DSCAML1: variants seen among roughly 807,000 people sequenced by gnomAD.
DSCAML1 encodes the protein cell adhesion molecule DSCAML1.
Under a neutral mutation model 200.5 loss-of-function variants are expected in DSCAML1, and 38 were observed. The observed-to-expected ratio is 0.19, with a 90% CI of 0.15 to 0.25. The LOEUF (loss-of-function observed/expected upper bound fraction) is 0.25, where lower values mean the gene tolerates loss of function less well. Ranked by LOEUF, DSCAML1 falls within the 10% of genes least tolerant of loss-of-function variation. The pLI is 1.00. For synonymous variants in DSCAML1, 1,215 were observed against 1,165.0 expected (o/e 1.04, Z -0.87); for missense variants, 2,223 against 2,858.8 (o/e 0.78, Z 5.07).
At position 117,516,356 on chromosome 11, in the gene DSCAML1, C is replaced by A; in HGVS notation, c.1783+111G>T. ...CCAAGCTGGGGCCTCTCTTGCTCAGCCTTCCGTTCACCCAGGATTGCCTAT... is the reference window on the plus strand; with the variant it reads ...CCAAGCTGGGGCCTCTCTTGCTCAGACTTCCGTTCACCCAGGATTGCCTAT... On this transcript the variant is annotated intron_variant, in intron 8 of 32. Coordinates refer to ENST00000651296, the MANE Select transcript of DSCAML1 (RefSeq NM_020693.4). The surrounding 1 kb of genome is among the most constrained non-coding windows in gnomAD (Gnocchi z 5.7). 1 of 1,385,220 alleles carries A rather than the reference C, an allele frequency of 7.2e-7. No individual in the cohort carries two copies. Among genetic ancestry groups the A allele is most frequent in the South Asian group, 1.4e-5 (1 of 70,816 alleles). 85.8% of individuals were successfully genotyped at this position (1,385,220 alleles called of 1,614,324 possible).
intron 20 of DSCAML1, among the ~76,000 whole-genome samples, chr11:117,449,241 G>A (rs572257347): frequency 1.3e-5 from 2 of 152,256 alleles, no homozygotes; most frequent in Admixed American, 6.5e-5. Flanking sequence ...GGGGATTCAG[G>A]GTGTTGTAAT....
chr11:117,498,679 G>A lies in DSCAML1; in HGVS notation c.2359+5166C>T, dbSNP rs2049339016. On this transcript the variant is annotated intron_variant, in intron 11 of 32. Coordinates refer to ENST00000651296, the MANE Select transcript of DSCAML1 (RefSeq NM_020693.4). The surrounding 1 kb of genome is among the most constrained non-coding windows in gnomAD (Gnocchi z 4.0). ...GTGGCCAATCATGGTGGGTGACCTG[G>A]TCCACGGAGGCCCGAGGGCTTCCTT... Among the ~76,000 whole-genome samples, 1 of 152,124 alleles carries A rather than the reference G, an allele frequency of 6.6e-6. No individual in the cohort carries two copies. Among genetic ancestry groups the A allele is most frequent in the Non-Finnish European group, 1.5e-5 (1 of 68,028 alleles).
chr11:117,760,425 C>A (rs2054778007), intron 3 of DSCAML1, among the ~76,000 whole-genome samples: 1 of 152,212 alleles, frequency 6.6e-6, no homozygotes, highest in African/African-American at 2.4e-5. Flanking sequence ...CATCCAGAAA[C>A]AATACAGAGG....
chr11:117,716,920 C>T (rs2053960982), intron 3 of DSCAML1, among the ~76,000 whole-genome samples: 1 of 152,070 alleles, frequency 6.6e-6, no homozygotes, highest in East Asian at 1.9e-4. Flanking sequence ...GAAATATTTA[C>T]TCTCTGGTCT....
intron 3 of DSCAML1, among the ~76,000 whole-genome samples, chr11:117,665,481 G>A (rs2052957227): frequency 1.3e-5 from 2 of 152,180 alleles, no homozygotes; most frequent in Non-Finnish European, 2.9e-5. Flanking sequence ...GTGGCTCCGG[G>A]TTTTTGGATG....
chr11:117,744,310 T>C (rs890009533), intron 3 of DSCAML1, among the ~76,000 whole-genome samples: 1 of 152,200 alleles, frequency 6.6e-6, no homozygotes, highest in Non-Finnish European at 1.5e-5. Context: ...ACCACCTCAG[T>C]GTACTCCCTA....
intron 1 of DSCAML1, among the ~76,000 whole-genome samples, chr11:117,811,854 G>A (rs912546436): frequency 1.3e-5 from 2 of 152,086 alleles, no homozygotes; most frequent in Admixed American, 6.5e-5. Context: ...TCAATACGGA[G>A]GCTACCCACT....
chr11:117,788,219 T>C (rs73584981), intron 1 of DSCAML1, among the ~76,000 whole-genome samples: 13,165 of 152,266 alleles, frequency 0.086, 629 homozygotes, highest in Middle Eastern at 0.14. Flanking sequence ...CTGCCTGTGA[T>C]GTCCACCCAA....
At position 117,428,512 on chromosome 11, in the gene DSCAML1, G is replaced by GCGGGGGCGGTGGGTGGCT. The variant is rs1565666473; in HGVS notation, c.5977_5978insAGCCACCCACCGCCCCCG (p.Pro1992_Ala1993insGluProProThrAlaPro). 3.3e-6 allele frequency: 5 copies of GCGGGGGCGGTGGGTGGCT among 1,496,670 alleles called. No homozygotes were observed. In the South Asian group the frequency reaches 6.4e-5, roughly 19 times the overall value. The allele number at this position is 1,496,670 out of a possible 1,614,324, so 92.7% of individuals were successfully genotyped here. On this transcript the variant is annotated inframe_insertion, in exon 33 of 33. Coordinates refer to ENST00000651296, the MANE Select transcript of DSCAML1 (RefSeq NM_020693.4). ...AGCGCTGGGGGCGGTGGGTGGCTCAGCAGGGGTGGGGCCGGGGGCTGGGGG... is the reference window on the plus strand; with the variant it reads ...AGCGCTGGGGGCGGTGGGTGGCTCAGCGGGGGCGGTGGGTGGCTCAGGGGTGGGGCCGGGGGCTGGGGG...
intron 3 of DSCAML1, among the ~76,000 whole-genome samples, chr11:117,728,305 A>G (rs2054165955): frequency 6.6e-6 from 1 of 152,228 alleles, no homozygotes; most frequent in Non-Finnish European, 1.5e-5. Flanking sequence ...GGACTCTGTG[A>G]TAAACCTCTA....
chr11:117,746,501 C>G (rs1015438811), intron 3 of DSCAML1, among the ~76,000 whole-genome samples: 2 of 152,088 alleles, frequency 1.3e-5, no homozygotes, highest in Non-Finnish European at 2.9e-5. Context: ...CCAGTGGTAC[C>G]TGGGGAAGTG....
rs573774384 is a variant in DSCAML1 at position 117,487,172 on chromosome 11, G to C, written c.2360-5010C>G. ...ACTCCTGATCTCAGGTGATCCACCC[G>C]CCTCAGCCTCCCAAAGTGCTGGGAT... On this transcript the variant is annotated intron_variant, in intron 11 of 32. Transcript: ENST00000651296. Among the ~76,000 whole-genome samples the C allele has an allele frequency of 2.3e-4, 35 of 152,062 alleles. No homozygotes were observed. The South Asian group carries it at 7.3e-3, about 32-fold the overall frequency.
At chr11:117,526,925 C>T (rs759405896) in intron 4 of DSCAML1, among the ~76,000 whole-genome samples, 4 of 152,104 alleles carry the variant, frequency 2.6e-5, no homozygotes, top group Non-Finnish European at 4.4e-5. Flanking sequence ...ATCACTTGAG[C>T]CCAGGAGTTG....
chr11:117,784,921 C>T (rs537519843), intron 1 of DSCAML1, among the ~76,000 whole-genome samples: 10 of 152,244 alleles, frequency 6.6e-5, no homozygotes, highest in East Asian at 5.8e-4. Context: ...CCTGAGGGGT[C>T]GAGGGTGCCT....
chr11:117,628,735 G>A (rs1003944677), intron 3 of DSCAML1, among the ~76,000 whole-genome samples: 2 of 152,176 alleles, frequency 1.3e-5, no homozygotes, highest in African/African-American at 4.8e-5. Context: ...GGAAGGGGAA[G>A]TTATACGTGG....
intron 11 of DSCAML1, among the ~76,000 whole-genome samples, chr11:117,501,973 C>G (rs183430785): frequency 6.6e-6 from 1 of 152,086 alleles, no homozygotes; most frequent in East Asian, 1.9e-4. Context: ...AAGATGGGGC[C>G]CCATAGGTGA....
At position 117,443,902 on chromosome 11, in the gene DSCAML1, G is replaced by A. The variant is rs189396543; in HGVS notation, c.3846C>T (p.Ile1282=). Reference sequence around the variant, plus strand: ...GCTTCTCACCCTTGCCAGCAGGCTCGATGGTCACCTTCTCGCTGCTGTTGC... The same window carrying A: ...GCTTCTCACCCTTGCCAGCAGGCTCAATGGTCACCTTCTCGCTGCTGTTGC... ...GRGNSSEKVT[I]EPAGKAPAKI... is the part of the protein sequence containing the mutation. Residue 1282 remains isoleucine, a synonymous_variant, in exon 21 of 33, where the codon ATC becomes ATT. Coordinates refer to ENST00000651296, the MANE Select transcript of DSCAML1 (RefSeq NM_020693.4). 115 of 1,607,540 alleles carry A rather than the reference G, an allele frequency of 7.2e-5. 3 individuals carry two copies. The Admixed American group carries it at 1.7e-3, about 24-fold the overall frequency.
At chr11:117,519,924 C>CA (rs557064614) in intron 6 of DSCAML1, among the ~76,000 whole-genome samples, 239 of 152,338 alleles carry the variant, frequency 1.6e-3, no homozygotes, top group African/African-American at 5.2e-3. Context: ...TCAAGGAGTG[C>CA]AGACCCACAG....
At chr11:117,699,343 A>T (rs1183148569) in intron 3 of DSCAML1, among the ~76,000 whole-genome samples, 1 of 152,198 alleles carries the variant, frequency 6.6e-6, no homozygotes, top group Non-Finnish European at 1.5e-5. Flanking sequence ...TGGGTCTCGA[A>T]TGTGAAGAGG....
Sources: allele counts gnomAD v4.1 joint callset (sites outside exome capture counted in the v4.1 genomes callset), GRCh38; gene constraint gnomAD v4.1.1; non-coding constraint Gnocchi (gnomAD v3.1); transcripts MANE v1.5; gene names NCBI Gene and HGNC (gene_info 2026-07-23, HGNC 2026-07-21).